The following OPHN1 variants were observed in gnomAD, a reference collection of about 807,000 sequenced individuals.
OPHN1 encodes oligophrenin 1.
OPHN1 carries 11 observed loss-of-function variants against 60.7 expected under a neutral mutation model. The ratio of observed to expected loss-of-function variants is 0.18; its 90% CI spans 0.11 to 0.30. The LOEUF is 0.30. Ranked by LOEUF, OPHN1 falls within the 10% of genes least tolerant of loss-of-function variation. The pLI, the probability that OPHN1 is intolerant of heterozygous loss-of-function variation, is 1.00. For missense variants in OPHN1, 449 were observed against 611.0 expected, an observed-to-expected ratio of 0.73 and a Z score of 2.80; for synonymous variants, 226 against 222.6, an observed-to-expected ratio of 1.02 and a Z score of -0.14.
At chrX:68,170,356 T>C (rs1397866451) in intron 15 of OPHN1, among the ~76,000 whole-genome samples, 13 of 106,633 alleles carry the variant, frequency 1.2e-4, no homozygotes, top group African/African-American at 4.5e-4. Flanking sequence ...AGTTCAACCC[T>C]TGTGGAAGTC....
intron 2 of OPHN1, among the ~76,000 whole-genome samples, chrX:68,312,999 G>A (rs2078181245): frequency 9.0e-6 from 1 of 111,051 alleles, no homozygotes; most frequent in African/African-American, 3.3e-5. Context: ...AGCTACTTGG[G>A]AGGCTAAGGC....
chrX:68,372,918 GA>G (rs1055878324), intron 2 of OPHN1, among the ~76,000 whole-genome samples: 52 of 106,496 alleles, frequency 4.9e-4, no homozygotes, highest in African/African-American at 1.6e-3. Context: ...GGAAGTTTAA[GA>G]AAAAAAAAAG....
At chrX:68,205,426 C>T (rs372450086) in intron 10 of OPHN1, among the ~76,000 whole-genome samples, 7 of 109,600 alleles carry the variant, frequency 6.4e-5, no homozygotes, top group Admixed American at 9.7e-5. Flanking sequence ...CCAGCCTGGG[C>T]GACAAGAGTG....
intron 19 of OPHN1, among the ~76,000 whole-genome samples, chrX:68,093,866 T>A (rs2077028010): frequency 9.0e-6 from 1 of 111,106 alleles, no homozygotes; most frequent in Non-Finnish European, 1.9e-5. Flanking sequence ...GGTAGCTTTT[T>A]TTTCCATCTT....
chrX:68,373,179 G>A (rs1347890817), intron 2 of OPHN1, among the ~76,000 whole-genome samples: 1 of 112,571 alleles, frequency 8.9e-6, no homozygotes, highest in Non-Finnish European at 1.9e-5. Context: ...ACATTACCAG[G>A]TTTTGACACC....
intron 2 of OPHN1, among the ~76,000 whole-genome samples, chrX:68,358,718 T>C (rs1288898984): frequency 1.8e-5 from 2 of 112,278 alleles, no homozygotes; most frequent in South Asian, 3.7e-4. Context: ...ATCCATAATC[T>C]TATTTATGAC....
intron 2 of OPHN1, among the ~76,000 whole-genome samples, chrX:68,345,963 C>CA (rs754994485): frequency 9.0e-6 from 1 of 111,016 alleles, no homozygotes; most frequent in Admixed American, 9.6e-5. Context: ...CCCGTCTCTA[C>CA]AAAAAAATAT....
chrX:68,344,447 A>T (rs1188471071), intron 2 of OPHN1, among the ~76,000 whole-genome samples: 2 of 110,350 alleles, frequency 1.8e-5, no homozygotes, highest in African/African-American at 6.6e-5. Flanking sequence ...CCCCACCTTT[A>T]CAAAAATTAC....
chrX:68,133,570 G>T, intron 15 of OPHN1: 1 of 394,411 alleles, frequency 2.5e-6, no homozygotes, highest in Non-Finnish European at 4.8e-6. Flanking sequence ...CGTTTCTGTA[G>T]GTCCATTTTA....
chrX:68,198,207 G>A (rs1443989616), intron 11 of OPHN1, among the ~76,000 whole-genome samples: 1 of 111,283 alleles, frequency 9.0e-6, no homozygotes, highest in Non-Finnish European at 1.9e-5. Context: ...TTAGTCATAA[G>A]GGTAGAACCT....
rs962959200 is a variant in OPHN1 at position 68,197,466 on chromosome X, G to A, written c.1026-202C>T. Among the ~76,000 whole-genome samples the A allele has an allele frequency of 6.3e-5, 7 of 111,101 alleles. No individual in the cohort carries two copies. In the East Asian group the frequency reaches 8.5e-4, roughly 13 times the overall value. On this transcript the variant is annotated intron_variant, in intron 11 of 24. Transcript: ENST00000355520. ...CAGTAACTTTGGGAACCATGGAGGC[G>A]GGGGTGGTATCTTGGTGGCCTTGTG...
intron 15 of OPHN1, among the ~76,000 whole-genome samples, chrX:68,179,355 C>T (rs1430137104): frequency 8.9e-6 from 1 of 111,791 alleles, no homozygotes; most frequent in Non-Finnish European, 1.9e-5. Flanking sequence ...GAATATTATT[C>T]TCTGAGAGAG....
At chrX:68,233,041 T>G (rs1448417700) in intron 6 of OPHN1, among the ~76,000 whole-genome samples, 2 of 110,000 alleles carry the variant, frequency 1.8e-5, no homozygotes, top group Non-Finnish European at 3.8e-5. Flanking sequence ...CGATTCTTCT[T>G]CCTCAGTCTC....
chrX:68,275,627 T>G (rs1391784580), intron 4 of OPHN1, among the ~76,000 whole-genome samples: 3 of 111,544 alleles, frequency 2.7e-5, no homozygotes, highest in Non-Finnish European at 5.6e-5. Context: ...TAATTTTTAT[T>G]AATTACAAGA....
intron 5 of OPHN1, among the ~76,000 whole-genome samples, chrX:68,240,323 CT>C (rs1369150587): frequency 2.7e-5 from 3 of 111,854 alleles, no homozygotes; most frequent in African/African-American, 9.7e-5. Flanking sequence ...TGTTTTTCTC[CT>C]TTACACTAGT....
intron 15 of OPHN1, among the ~76,000 whole-genome samples, chrX:68,167,609 C>T (rs2077365043): frequency 9.1e-6 from 1 of 109,327 alleles, no homozygotes; most frequent in Admixed American, 9.8e-5. Flanking sequence ...GTATACATAT[C>T]TGTATACATG....
chrX:68,433,085 AG>A (rs2078894099), intron 1 of OPHN1, 61 bp from the exon 2 acceptor site: 3 of 1,035,881 alleles, frequency 2.9e-6, no homozygotes, highest in Non-Finnish European at 3.9e-6. Flanking sequence ...TCAATGGCAC[AG>A]TAGAGGAAGT....
At position 68,063,867 on chromosome X, in the gene OPHN1, G is replaced by A. The variant is rs2076902708; in HGVS notation, c.2145C>T (p.Ala715=). The change falls in exon 21 of 25, where the codon GCC becomes GCT. Residue 715 remains alanine (A), a synonymous_variant. Transcript: ENST00000355520. ...CCAAGCACTTACCCTCCTTGTGGTG[G>A]GCCAGGGGCCGGGGAGCTGGTCTCT... The part of the protein sequence containing the change: ...HIKRPAPRPL[A]HHKEGDADSF... 4 of 1,163,730 alleles carry A rather than the reference G, an allele frequency of 3.4e-6. No homozygotes were observed. In the East Asian group the frequency reaches 1.3e-4, roughly 36 times the overall value.
At chrX:68,365,049 A>G (rs1216325277) in intron 2 of OPHN1, among the ~76,000 whole-genome samples, 3 of 112,355 alleles carry the variant, frequency 2.7e-5, no homozygotes, top group Non-Finnish European at 5.6e-5. Context: ...TTCAGCTATG[A>G]TAACTGCTCC....
Sources: gnomAD v4.1 joint callset for allele counts (sites outside exome capture counted in the v4.1 genomes callset) on GRCh38, gnomAD v4.1.1 for gene constraint, MANE v1.5 for transcripts, NCBI Gene and HGNC (gene_info 2026-07-23, HGNC 2026-07-21) for gene names.